PGGT1B: variants seen among roughly 807,000 people sequenced by gnomAD.
PGGT1B encodes the protein protein geranylgeranyltransferase type I subunit beta, also known as geranylgeranyl transferase type-1 subunit beta.
A neutral mutation model predicts 46.1 loss-of-function variants in PGGT1B; 30 were observed. That is an observed-to-expected ratio of 0.65 (90% CI 0.49 to 0.88). The LOEUF (loss-of-function observed/expected upper bound fraction) is 0.88, where lower values mean the gene tolerates loss of function less well. PGGT1B is among the 40% of genes least tolerant of loss of function. The pLI, the probability that PGGT1B is intolerant of heterozygous loss-of-function variation, is 0.00. For synonymous variants in PGGT1B, 170 were observed against 160.0 expected, an observed-to-expected ratio of 1.06 and a Z score of -0.47; for missense variants, 376 against 455.9, an observed-to-expected ratio of 0.82 and a Z score of 1.60.
At chr5:115,231,056 A>AAAT (rs751821587) in intron 5 of PGGT1B, 35 bp from the exon 6 acceptor site, 12 of 1,097,110 alleles carry the variant, frequency 1.1e-5, no homozygotes, top group African/African-American at 3.3e-5. Flanking sequence ...TTTAATAGGG[A>AAAT]AATAATAATA....
intron 6 of PGGT1B, among the ~76,000 whole-genome samples, chr5:115,230,619 T>C (rs1561476027): frequency 6.6e-6 from 1 of 152,190 alleles, no homozygotes; most frequent in African/African-American, 2.4e-5. Context: ...TGTGCATTCA[T>C]ATTTAATATT....
intron 8 of PGGT1B, 95 bp downstream of exon 8, chr5:115,216,770 G>A (rs1038192264): frequency 7.0e-6 from 5 of 709,406 alleles, no homozygotes; most frequent in Admixed American, 5.1e-5. Flanking sequence ...CTTTGCAACT[G>A]GATATATTTT....
chr5:115,256,781 G>A (rs914133043), intron 1 of PGGT1B, among the ~76,000 whole-genome samples: 1 of 152,164 alleles, frequency 6.6e-6, no homozygotes, highest in Admixed American at 6.5e-5. Context: ...ATAGTATAAT[G>A]TAGGGTTTTA....
intron 5 of PGGT1B, among the ~76,000 whole-genome samples, chr5:115,233,609 C>T (rs1757068737): frequency 6.7e-6 from 1 of 149,004 alleles, no homozygotes; most frequent in South Asian, 2.1e-4. Flanking sequence ...GGCCCAAAGG[C>T]TAACTCTGGC....
At chr5:115,245,151 G>C (rs1481052461) in intron 2 of PGGT1B, among the ~76,000 whole-genome samples, 1 of 152,084 alleles carries the variant, frequency 6.6e-6, no homozygotes, top group Non-Finnish European at 1.5e-5. Flanking sequence ...CTTGCAACTG[G>C]ACACCTTTGT....
intron 5 of PGGT1B, among the ~76,000 whole-genome samples, chr5:115,232,008 A>G (rs937288757): frequency 6.6e-6 from 1 of 152,116 alleles, no homozygotes; most frequent in African/African-American, 2.4e-5. Flanking sequence ...GTTCACACAC[A>G]GATAGCAGAC....
chr5:115,242,126 G>A (rs539593926), intron 2 of PGGT1B, among the ~76,000 whole-genome samples: 1 of 152,172 alleles, frequency 6.6e-6, no homozygotes, highest in Non-Finnish European at 1.5e-5. Flanking sequence ...ACATTAGCTA[G>A]ACCTTCGTTC....
rs1263073539 is a variant in PGGT1B, at chr5:115,205,947, C to G, written c.*6455G>C. On this transcript the variant is annotated 3_prime_UTR_variant, in exon 9 of 9. Transcript: ENST00000419445. Reference sequence around the variant, plus strand: ...AAATAAGGCACTGATTAATCAGTGCCTCATTTGCCATTAAAATGGTAAAAA... The same window carrying G: ...AAATAAGGCACTGATTAATCAGTGCGTCATTTGCCATTAAAATGGTAAAAA... The G allele has an allele frequency of 6.6e-6, 1 of 151,726 alleles. No individual in the cohort carries two copies. The highest frequency in any genetic ancestry group is 1.5e-5 in the Non-Finnish European group (1 of 67,858). 9.4% of individuals were successfully genotyped at this position (151,726 alleles called of 1,614,324 possible).
At chr5:115,258,049 C>T (rs1349743222) in intron 1 of PGGT1B, among the ~76,000 whole-genome samples, 1 of 152,194 alleles carries the variant, frequency 6.6e-6, no homozygotes, top group Non-Finnish European at 1.5e-5. Context: ...AGTACAGTCA[C>T]ATATCTGTGG....
At chr5:115,259,118 A>T (rs1748444138) in intron 1 of PGGT1B, among the ~76,000 whole-genome samples, 1 of 152,216 alleles carries the variant, frequency 6.6e-6, no homozygotes, top group African/African-American at 2.4e-5. Context: ...GCATTTTAAC[A>T]AGATCCCCAA....
Position 115,217,009 on chromosome 5 carries a change from A to G in PGGT1B, c.844-36T>C, listed in dbSNP as rs1580743964. ...ATGACAAATAAAAATTTACTGACAT[A>G]AAACTCATATCAACCTTTGGCTCAA... On this transcript the variant is annotated intron_variant, in intron 7 of 8. Transcript: ENST00000419445. The G allele has an allele frequency of 3.3e-6, 3 of 904,162 alleles. No homozygotes were observed. The East Asian group carries it at 7.3e-5, about 22-fold the overall frequency. The allele number at this position is 904,162 out of a possible 1,614,324, so 56.0% of individuals were successfully genotyped here.
At chr5:115,226,922 C>T (rs1415103653) in intron 6 of PGGT1B, among the ~76,000 whole-genome samples, 1 of 151,708 alleles carries the variant, frequency 6.6e-6, no homozygotes, top group African/African-American at 2.4e-5. Flanking sequence ...TAAACTCTGA[C>T]GGTTATGAAA....
In PGGT1B at chr5:115,237,805, G is replaced by A. The variant is rs1316443773; in HGVS notation, c.479+53C>T. On this transcript the variant is annotated intron_variant, in intron 4 of 8. Transcript: ENST00000419445. Reference sequence around the variant, plus strand: ...AGTATAGTACTGTATCCATTTTTTAGTTCCAATATATTTTTGTTTATTACA... The same window carrying A: ...AGTATAGTACTGTATCCATTTTTTAATTCCAATATATTTTTGTTTATTACA... The A allele has an allele frequency of 2.7e-6, 4 of 1,488,878 alleles. No homozygotes were observed. The African/African-American group carries it at 5.6e-5, about 21-fold the overall frequency. 92.2% of individuals were successfully genotyped at this position (1,488,878 alleles called of 1,614,324 possible).
intron 2 of PGGT1B, among the ~76,000 whole-genome samples, chr5:115,249,124 C>A (rs902172939): frequency 1.3e-5 from 2 of 150,082 alleles, no homozygotes; most frequent in African/African-American, 4.9e-5. Flanking sequence ...TCTTGCCATC[C>A]CCCCACCTCT....
intron 2 of PGGT1B, among the ~76,000 whole-genome samples, chr5:115,244,230 C>G (rs1747696360): frequency 6.6e-6 from 1 of 151,976 alleles, no homozygotes; most frequent in Admixed American, 6.6e-5. Context: ...CTTTGGGAGG[C>G]CGAGACGGGC....
At chr5:115,252,147 T>C (rs529632122) in intron 2 of PGGT1B, among the ~76,000 whole-genome samples, 12 of 152,216 alleles carry the variant, frequency 7.9e-5, no homozygotes, top group South Asian at 6.2e-4. Context: ...ACCAAACTTA[T>C]ACATGCTTTC....
rs1023845288 is a variant in PGGT1B, at chr5:115,211,018, G to C, written c.*1384C>G. ...ACAACATTTTTTTCCCTCTGATTTAGAAAAAAAGATAACATTTAAAGTATT... is the reference window on the plus strand; with the variant it reads ...ACAACATTTTTTTCCCTCTGATTTACAAAAAAAGATAACATTTAAAGTATT... On this transcript the variant is annotated 3_prime_UTR_variant, in exon 9 of 9. Coordinates refer to ENST00000419445, the MANE Select transcript of PGGT1B (RefSeq NM_005023.4). 6.6e-6 allele frequency: 1 copy of C among 151,776 alleles called. No individual in the cohort carries two copies. The highest frequency in any genetic ancestry group is 1.5e-5 in the Non-Finnish European group (1 of 67,856). 9.4% of individuals were successfully genotyped at this position (151,776 alleles called of 1,614,324 possible). A position where few individuals can be genotyped will look rare whatever the true frequency, so the allele number is the denominator to read the frequency against.
chr5:115,253,494 C>A (rs1748190552), intron 1 of PGGT1B, among the ~76,000 whole-genome samples: 1 of 151,872 alleles, frequency 6.6e-6, no homozygotes, highest in Non-Finnish European at 1.5e-5. Context: ...AATCCTACCC[C>A]ATTGACACAA....
chr5:115,253,386 G>T (rs1041919213), intron 1 of PGGT1B, 131 bp from the exon 2 acceptor site: 64 of 630,842 alleles, frequency 1.0e-4, no homozygotes, highest in Non-Finnish European at 1.5e-4. Context: ...CCTTGCAAAA[G>T]CAAAAAATAT....
Sources: gnomAD v4.1 joint callset for allele counts (sites outside exome capture counted in the v4.1 genomes callset) on GRCh38, gnomAD v4.1.1 for gene constraint, MANE v1.5 for transcripts, NCBI Gene and HGNC (gene_info 2026-07-23, HGNC 2026-07-21) for gene names.